SPECC1: variants seen among roughly 807,000 people sequenced by gnomAD.
The protein encoded by SPECC1 is sperm antigen with calponin homology and coiled-coil domains 1, also known as cytospin-B.
In SPECC1, 62 loss-of-function variants were observed where a neutral mutation model predicts 104.1. That is an observed-to-expected ratio of 0.60 (90% CI 0.49 to 0.74). The LOEUF is 0.74. Ranked by LOEUF, SPECC1 falls within the 30% of genes least tolerant of loss-of-function variation. SPECC1 has a pLI of 0.00. For synonymous variants in SPECC1, 513 were observed against 501.6 expected, an observed-to-expected ratio of 1.02 and a Z score of -0.30; for missense variants, 1,306 against 1,310.5, an observed-to-expected ratio of 1.00 and a Z score of 0.05.
chr17:20,110,540 G>A lies in SPECC1; in HGVS notation c.261G>A (p.Glu87=). The A allele has an allele frequency of 6.2e-7, 1 of 1,613,586 alleles. No homozygotes were observed. The highest frequency in any genetic ancestry group is 8.5e-7 in the Non-Finnish European group (1 of 1,179,910). Residue 87 remains glutamate, a synonymous_variant, in exon 3 of 15, where the codon GAG becomes GAA. Coordinates refer to ENST00000395527, the MANE Select transcript of SPECC1 (RefSeq NM_001243439.2). ...CCGGAGCCATCTCGGAGCTCACGGA[G>A]AGCCGCCTGAGGAGCGGCACAGGTA... ...ATAGAISELT[E]SRLRSGTGAF... is the part of the protein sequence containing the mutation.
intron 7 of SPECC1, among the ~76,000 whole-genome samples, chr17:20,233,261 T>C (rs1332074032): frequency 6.6e-6 from 1 of 152,218 alleles, no homozygotes; most frequent in Non-Finnish European, 1.5e-5. Flanking sequence ...GGGTTTTGAA[T>C]GTTGATCAGG....
At chr17:20,109,385 C>G (rs748706649) in intron 2 of SPECC1, among the ~76,000 whole-genome samples, 18 of 152,324 alleles carry the variant, frequency 1.2e-4, no homozygotes, top group Middle Eastern at 3.4e-3. Flanking sequence ...GGCACTGTTC[C>G]TCTCCAGAGC....
intron 4 of SPECC1, among the ~76,000 whole-genome samples, chr17:20,210,915 T>C (rs944529474): frequency 1.3e-5 from 2 of 152,160 alleles, no homozygotes; most frequent in Admixed American, 6.5e-5. Context: ...TTTCTCGGCC[T>C]GAAGAGACCC....
chr17:20,060,123 G>C (rs558270998), intron 1 of SPECC1, among the ~76,000 whole-genome samples: 1 of 152,236 alleles, frequency 6.6e-6, no homozygotes, highest in South Asian at 2.1e-4. Flanking sequence ...TGTTCCATTA[G>C]TATGTGTTTG....
chr17:20,262,977 T>C (rs991928328), intron 12 of SPECC1, among the ~76,000 whole-genome samples: 3 of 151,976 alleles, frequency 2.0e-5, no homozygotes, highest in Non-Finnish European at 4.4e-5. Context: ...ACCACTGTAG[T>C]GCAGTGTGGG....
At chr17:20,260,062 G>T (rs1409455557) in intron 11 of SPECC1, 130 bp from the exon 12 acceptor site, 4 of 584,240 alleles carry the variant, frequency 6.8e-6, no homozygotes, top group Non-Finnish European at 1.1e-5. Context: ...GACTAATTCG[G>T]CTGTTTCTTT....
intron 1 of SPECC1, among the ~76,000 whole-genome samples, chr17:20,031,038 A>G (rs2044787817): frequency 6.6e-6 from 1 of 152,152 alleles, no homozygotes; most frequent in African/African-American, 2.4e-5. Context: ...TCTGTCGCCC[A>G]GGCTGGAATT....
At chr17:20,282,472 T>C (rs1037457464) in intron 12 of SPECC1, among the ~76,000 whole-genome samples, 9 of 152,230 alleles carry the variant, frequency 5.9e-5, no homozygotes, top group African/African-American at 2.2e-4. Flanking sequence ...CAAATTAGTC[T>C]CTAAATTTAA....
intron 1 of SPECC1, among the ~76,000 whole-genome samples, chr17:20,094,723 C>T (rs1291712354): frequency 6.6e-6 from 1 of 151,854 alleles, no homozygotes; most frequent in Non-Finnish European, 1.5e-5. Flanking sequence ...TGTCACTGTC[C>T]CAAGTAGCTG....
intron 2 of SPECC1, among the ~76,000 whole-genome samples, chr17:20,104,294 T>C (rs1030040393): frequency 6.6e-6 from 1 of 152,082 alleles, no homozygotes; most frequent in African/African-American, 2.4e-5. Flanking sequence ...GCCCAGACAG[T>C]GTGGGGTATT....
intron 12 of SPECC1, among the ~76,000 whole-genome samples, chr17:20,274,504 TTTC>T (rs2040510669): frequency 6.6e-6 from 1 of 151,240 alleles, no homozygotes; most frequent in Non-Finnish European, 1.5e-5. Context: ...TTTTTTCTTT[TTTC>T]TTTTTTTTTT....
chr17:20,110,701 G>A lies in SPECC1; in HGVS notation c.283+139G>A, dbSNP rs2048445751. 3 of 1,069,870 alleles carry A rather than the reference G, an allele frequency of 2.8e-6. No homozygotes were observed. The East Asian group carries it at 8.6e-5, about 31-fold the overall frequency. 66.3% of individuals were successfully genotyped at this position (1,069,870 alleles called of 1,614,324 possible). ...TTACCCTGGGCCGGAACTGTTTTAGGCAGACGATGTCGCTGCCCACAGGGA... is the reference window on the plus strand; with the variant it reads ...TTACCCTGGGCCGGAACTGTTTTAGACAGACGATGTCGCTGCCCACAGGGA... On this transcript the variant is annotated intron_variant, in intron 3 of 14. Transcript: ENST00000395527.
rs565426048 is a variant in SPECC1 at position 20,156,083 on chromosome 17, C to T, written c.283+45521C>T. 447 of 1,329,778 alleles carry T rather than the reference C, an allele frequency of 3.4e-4. 3 individuals are homozygous for T. In the African/African-American group the frequency reaches 5.8e-3, roughly 17 times the overall value. The allele number at this position is 1,329,778 out of a possible 1,614,324, so 82.4% of individuals were successfully genotyped here. A position where few individuals can be genotyped will look rare whatever the true frequency, so the allele number is the denominator to read the frequency against. On this transcript the variant is annotated intron_variant, in intron 3 of 14. Coordinates refer to ENST00000395527, the MANE Select transcript of SPECC1 (RefSeq NM_001243439.2). Reference sequence around the variant, plus strand: ...GGAAGGCGCCCGGTCCTTTCTTTGACTGGAGCGGACCCGCCGGACGCAACC... The same window carrying T: ...GGAAGGCGCCCGGTCCTTTCTTTGATTGGAGCGGACCCGCCGGACGCAACC...
rs1169392890 is a variant in SPECC1 at position 20,239,882 on chromosome 17, T to G, written c.2352-6044T>G. The stretch of plus-strand genomic sequence containing the variant: ...CTTTAATTTGCATTTCGCTGAGTTT[T>G]TTTTTTTTTTTTTTTTTTTTTTTTT... On this transcript the variant is annotated intron_variant, in intron 7 of 14. Coordinates refer to ENST00000395527, the MANE Select transcript of SPECC1 (RefSeq NM_001243439.2). Among the ~76,000 whole-genome samples the G allele has an allele frequency of 3.8e-3, 41 of 10,902 alleles. No individual in the cohort carries two copies. The African/African-American group carries it at 0.053, about 14-fold the overall frequency. The allele number at this position is 10,902 out of a possible 152,430, so 7.2% of individuals were successfully genotyped here.
At chr17:20,295,024 T>C (rs944016676) in intron 12 of SPECC1, among the ~76,000 whole-genome samples, 5 of 140,608 alleles carry the variant, frequency 3.6e-5, no homozygotes, top group African/African-American at 1.3e-4. Context: ...CTATTATTAT[T>C]ATTATTATTA....
intron 1 of SPECC1, among the ~76,000 whole-genome samples, chr17:20,061,204 TG>T (rs1381095949): frequency 6.6e-6 from 1 of 152,210 alleles, no homozygotes; most frequent in Non-Finnish European, 1.5e-5. Flanking sequence ...CCTGAGTAGC[TG>T]GGATTACAGG....
chr17:20,159,851 T>A (rs1485579383), intron 3 of SPECC1, among the ~76,000 whole-genome samples: 1 of 152,234 alleles, frequency 6.6e-6, no homozygotes, highest in East Asian at 1.9e-4. Context: ...TTGTCAGGGC[T>A]GCTGGGCATG....
intron 12 of SPECC1, among the ~76,000 whole-genome samples, chr17:20,271,211 G>A (rs2040395018): frequency 6.6e-6 from 1 of 151,796 alleles, no homozygotes. Context: ...AAGTCACCTT[G>A]CTGATTTTTT....
chr17:20,288,639 G>A (rs571245782), intron 12 of SPECC1, among the ~76,000 whole-genome samples: 19 of 152,036 alleles, frequency 1.2e-4, no homozygotes, highest in East Asian at 9.6e-4. Context: ...TTTTTGAGAC[G>A]GTATATTAGT....
Sources: allele counts gnomAD v4.1 joint callset (sites outside exome capture counted in the v4.1 genomes callset), GRCh38; gene constraint gnomAD v4.1.1; transcripts MANE v1.5; gene names NCBI Gene and HGNC (gene_info 2026-07-23, HGNC 2026-07-21).